NTRK3: variants seen among roughly 807,000 people sequenced by gnomAD.
NTRK3 encodes NT-3 growth factor receptor.
In NTRK3, 24 loss-of-function variants were observed where a neutral mutation model predicts 91.7. The observed-to-expected ratio is 0.26, with a 90% confidence interval of 0.19 to 0.37. The LOEUF is 0.37. NTRK3 is among the 10% of genes least tolerant of loss of function. NTRK3 has a pLI of 1.00. For synonymous variants in NTRK3, 483 were observed against 404.0 expected (o/e 1.20, Z -2.34); for missense variants, 880 against 1,068.9 (o/e 0.82, Z 2.46).
chr15:87,977,301 C>A (rs924877372), intron 14 of NTRK3: 5 of 178,772 alleles, frequency 2.8e-5, no homozygotes, highest in Non-Finnish European at 4.8e-5. Context: ...ATGCAGGTAA[C>A]CTGGAATTTC....
intron 17 of NTRK3, among the ~76,000 whole-genome samples, chr15:87,906,845 T>G (rs576173341): frequency 6.6e-6 from 1 of 152,260 alleles, no homozygotes; most frequent in East Asian, 1.9e-4. Context: ...TAAGAACCTA[T>G]CACTCTTAAT....
chr15:87,925,139 G>A (rs1445132910), intron 17 of NTRK3, among the ~76,000 whole-genome samples: 2 of 152,196 alleles, frequency 1.3e-5, no homozygotes, highest in African/African-American at 4.8e-5. Context: ...CATTGAGTCA[G>A]TGATTCACAG....
intron 13 of NTRK3, among the ~76,000 whole-genome samples, chr15:88,045,565 G>C (rs1361059812): frequency 1.3e-5 from 2 of 152,170 alleles, no homozygotes; most frequent in Admixed American, 6.5e-5. Context: ...GAACTTCCTA[G>C]AGCTGCCATA....
chr15:88,110,266 G>A (rs1026178604), intron 13 of NTRK3, among the ~76,000 whole-genome samples: 4 of 152,210 alleles, frequency 2.6e-5, no homozygotes, highest in African/African-American at 9.6e-5. Flanking sequence ...AGGTAAACAT[G>A]GAGGTGGGAT....
At chr15:88,084,066 G>C (rs1039630838) in intron 13 of NTRK3, among the ~76,000 whole-genome samples, 1 of 148,692 alleles carries the variant, frequency 6.7e-6, no homozygotes, top group Non-Finnish European at 1.5e-5. Flanking sequence ...TTTTGTAAGA[G>C]CCATTTCATG....
chr15:87,980,359 A>ATGTG (rs60274795), intron 14 of NTRK3, among the ~76,000 whole-genome samples: 90,681 of 151,278 alleles, frequency 0.6, 27,944 homozygotes, highest in East Asian at 0.77. Context: ...GCATGTGTAC[A>ATGTG]TGTGTTTCCA....
rs149279639 is a variant in NTRK3, at chr15:88,033,176, TTATATATATATA to T, written c.1397-143_1397-132del. 391 of 196,048 alleles carry T rather than the reference TTATATATATATA, an allele frequency of 2.0e-3. 27 individuals are homozygous for T. Among genetic ancestry groups the T allele is most frequent in the African/African-American group, 0.014 (222 of 16,302 alleles). The allele number at this position is 196,048 out of a possible 1,614,324, so 12.1% of individuals were successfully genotyped here. On this transcript the variant is annotated intron_variant, in intron 13 of 18. Transcript: ENST00000394480. ...CTTTTTTTTACTTTTGGGGGGTGTG[TTATATATATATA>T]TATATATATATATATATATATATAT... is the stretch of plus-strand genomic sequence containing the variant.
chr15:88,062,920 G>A (rs916377460), intron 13 of NTRK3, among the ~76,000 whole-genome samples: 7 of 152,196 alleles, frequency 4.6e-5, no homozygotes, highest in Non-Finnish European at 7.3e-5. Context: ...TAGAATCCTA[G>A]GCATTTGAAC....
intron 17 of NTRK3, chr15:87,927,909 C>A (rs1447554557): frequency 1.3e-5 from 2 of 152,168 alleles, no homozygotes; most frequent in Non-Finnish European, 2.9e-5. Context: ...AACATTGTCC[C>A]ACACTCTCCT....
At chr15:88,183,191 C>T (rs2046662239) in intron 5 of NTRK3, among the ~76,000 whole-genome samples, 1 of 152,140 alleles carries the variant, frequency 6.6e-6, no homozygotes, top group East Asian at 1.9e-4. Context: ...GACTGACTCT[C>T]CCTCTCAGCC....
At chr15:88,017,061 C>G (rs899023881) in intron 14 of NTRK3, among the ~76,000 whole-genome samples, 1 of 151,902 alleles carries the variant, frequency 6.6e-6, no homozygotes, top group Admixed American at 6.6e-5. Context: ...TTACAACATC[C>G]CTTGTTTCTT....
At chr15:88,051,621 A>T (rs1490197328) in intron 13 of NTRK3, among the ~76,000 whole-genome samples, 1 of 152,252 alleles carries the variant, frequency 6.6e-6, no homozygotes, top group Non-Finnish European at 1.5e-5. Flanking sequence ...GGTTAATAAC[A>T]GTAACTCCCT....
At chr15:88,049,101 C>T (rs543278610) in intron 13 of NTRK3, among the ~76,000 whole-genome samples, 1 of 152,298 alleles carries the variant, frequency 6.6e-6, no homozygotes, top group South Asian at 2.1e-4. Flanking sequence ...ATAGAAGATG[C>T]ACAGAAGCAA....
chr15:88,023,577 G>A (rs529521348), intron 14 of NTRK3, among the ~76,000 whole-genome samples: 4 of 152,218 alleles, frequency 2.6e-5, no homozygotes, highest in East Asian at 1.9e-4. Context: ...CCCCTAGAGT[G>A]GACTGTCAAG....
At chr15:88,110,249 G>A (rs1395931233) in intron 13 of NTRK3, among the ~76,000 whole-genome samples, 1 of 152,194 alleles carries the variant, frequency 6.6e-6, no homozygotes, top group Non-Finnish European at 1.5e-5. Context: ...AAGGAAGAAA[G>A]AAGATCAGGT....
chr15:88,222,089 G>A (rs541510042), intron 3 of NTRK3, among the ~76,000 whole-genome samples: 29 of 152,338 alleles, frequency 1.9e-4, no homozygotes, highest in South Asian at 1.5e-3. Flanking sequence ...AGACTTTGCA[G>A]CCCATGTTGG....
intron 13 of NTRK3, among the ~76,000 whole-genome samples, chr15:88,055,865 G>A (rs2045629181): frequency 6.6e-6 from 1 of 152,202 alleles, no homozygotes; most frequent in African/African-American, 2.4e-5. Flanking sequence ...AGCTGGAACA[G>A]ACTTAGAGTT....
At chr15:88,176,763 A>G (rs1332548840) in intron 5 of NTRK3, among the ~76,000 whole-genome samples, 1 of 152,238 alleles carries the variant, frequency 6.6e-6, no homozygotes, top group Non-Finnish European at 1.5e-5. Flanking sequence ...TAGCAGGGAA[A>G]ATTTCTGCTC....
In NTRK3 at chr15:88,255,661, G is replaced by T. The variant is rs1466354729; in HGVS notation, c.248+245C>A. ...AGCTGGGCCCCGCGTGCCCTCGGCG[G>T]CCGGGGTCCTCTCCGGGGAGAGGCA... On this transcript the variant is annotated intron_variant, in intron 3 of 18. Coordinates refer to ENST00000394480, the Ensembl canonical transcript of NTRK3. The surrounding 1 kb of genome is among the most constrained non-coding windows in gnomAD (Gnocchi z 4.3). Among the ~76,000 whole-genome samples, 1 of 152,166 alleles carries T rather than the reference G, an allele frequency of 6.6e-6. No individual in the cohort carries two copies. Among genetic ancestry groups the T allele is most frequent in the African/African-American group, 2.4e-5 (1 of 41,464 alleles).
Sources: gnomAD v4.1 joint callset for allele counts (sites outside exome capture counted in the v4.1 genomes callset) on GRCh38, gnomAD v4.1.1 for gene constraint, Gnocchi (gnomAD v3.1) non-coding constraint, MANE v1.5 for transcripts, NCBI Gene and HGNC (gene_info 2026-07-23, HGNC 2026-07-21) for gene names.